Variants in SERAC1 observed in about 807,000 individuals in gnomAD.
SERAC1 encodes protein SERAC1.
A neutral mutation model predicts 85.7 loss-of-function variants in SERAC1; 36 were observed. The ratio of observed to expected loss-of-function variants is 0.42; its 90% CI spans 0.32 to 0.55. SERAC1 has a LOEUF of 0.55. Among genes scored for constraint, SERAC1 ranks in the 20% least tolerant of loss-of-function variants. The probability of loss-of-function intolerance (pLI) is 0.11; values close to 1 mark genes in which losing one functional copy is unlikely to be tolerated. For missense variants in SERAC1, 629 were observed against 796.2 expected, an observed-to-expected ratio of 0.79 and a Z score of 2.53; for synonymous variants, 242 against 265.3, an observed-to-expected ratio of 0.91 and a Z score of 0.85.
At chr6:158,156,880 A>C (rs1223053206) in intron 2 of SERAC1, among the ~76,000 whole-genome samples, 1 of 129,030 alleles carries the variant, frequency 7.8e-6, no homozygotes, top group African/African-American at 2.9e-5. Context: ...ATTTATATAG[A>C]TATTAATATA....
intron 6 of SERAC1, among the ~76,000 whole-genome samples, chr6:158,145,686 A>G (rs1785039325): frequency 6.6e-6 from 1 of 150,968 alleles, no homozygotes; most frequent in Admixed American, 6.6e-5. Context: ...GCCCAGCTAA[A>G]TTTTTTCTAT....
At chr6:158,116,764 T>C (rs1784300442) in intron 13 of SERAC1, 1 of 154,832 alleles carries the variant, frequency 6.5e-6, no homozygotes, top group South Asian at 2.0e-4. Context: ...ACAATGAAAG[T>C]ATCACCAAAG....
At chr6:158,129,240 A>C (rs775602782) in intron 9 of SERAC1, among the ~76,000 whole-genome samples, 3 of 152,228 alleles carry the variant, frequency 2.0e-5, no homozygotes, top group Non-Finnish European at 4.4e-5. Context: ...CTTCTGTACT[A>C]CAACACCTTA....
Position 158,118,414 on chromosome 6 carries a change from T to C in SERAC1, c.1309-593A>G, listed in dbSNP as rs141189219. ...AGATAAATTCCATTCAATGAATTCA[T>C]TCCAGAATTAAGGTTCTTTGGGAGA... On this transcript the variant is annotated intron_variant, in intron 12 of 16. Coordinates refer to ENST00000647468, the MANE Select transcript of SERAC1 (RefSeq NM_032861.4). 1.3e-3 allele frequency among the ~76,000 whole-genome samples: 204 copies of C among 152,294 alleles called. 1 individual carries two copies. The highest frequency in any genetic ancestry group is 4.7e-3 in the African/African-American group (195 of 41,574).
intron 2 of SERAC1, among the ~76,000 whole-genome samples, chr6:158,156,312 C>T (rs1204476513): frequency 1.3e-5 from 2 of 152,082 alleles, no homozygotes; most frequent in African/African-American, 4.8e-5. Context: ...AATACACAAC[C>T]TGATTACCAC....
rs1784115931 is a variant in SERAC1 at position 158,110,361 on chromosome 6, G to A, written c.*1005C>T. On this transcript the variant is annotated 3_prime_UTR_variant, in exon 17 of 17. Coordinates refer to ENST00000647468, the MANE Select transcript of SERAC1 (RefSeq NM_032861.4). ...TGATCATGCCACTGCACTCCAGCTT[G>A]GGCAACAGAGTCAGACCCTGTCTCT... is the stretch of plus-strand genomic sequence containing the variant. 1 of 152,016 alleles carries A rather than the reference G, an allele frequency of 6.6e-6. No individual in the cohort carries two copies. Among genetic ancestry groups the A allele is most frequent in the African/African-American group, 2.4e-5 (1 of 41,362 alleles). The allele number at this position is 152,016 out of a possible 1,614,324, so 9.4% of individuals were successfully genotyped here. A position where few individuals can be genotyped will look rare whatever the true frequency, so the allele number is the denominator to read the frequency against.
chr6:158,121,509 C>A (rs1293903901), intron 10 of SERAC1, among the ~76,000 whole-genome samples: 1 of 152,096 alleles, frequency 6.6e-6, no homozygotes, highest in East Asian at 1.9e-4. Flanking sequence ...ATGTGAAAAC[C>A]GTGGGCCCAG....
intron 10 of SERAC1, among the ~76,000 whole-genome samples, chr6:158,125,325 A>T (rs1027034756): frequency 6.6e-6 from 1 of 152,198 alleles, no homozygotes; most frequent in Non-Finnish European, 1.5e-5. Flanking sequence ...AAATTCAAAA[A>T]TTTTTAAATA....
intron 15 of SERAC1, chr6:158,114,461 G>C (rs1261082194): frequency 1.8e-6 from 2 of 1,095,294 alleles, no homozygotes; most frequent in Admixed American, 9.4e-5. Context: ...AACAGTTGAT[G>C]ATTCTCCACT....
At chr6:158,136,438 C>T (rs1008026697) in intron 8 of SERAC1, among the ~76,000 whole-genome samples, 2 of 152,166 alleles carry the variant, frequency 1.3e-5, no homozygotes, top group African/African-American at 2.4e-5. Flanking sequence ...CAAGCATTAT[C>T]GTGTTGGCTG....
chr6:158,147,632 T>G (rs1307770591), intron 5 of SERAC1, among the ~76,000 whole-genome samples: 1 of 147,122 alleles, frequency 6.8e-6, no homozygotes, highest in Non-Finnish European at 1.5e-5. Flanking sequence ...TAGCTGGGTG[T>G]GGTGGCGGGC....
chr6:158,116,240 G>T lies in SERAC1; in HGVS notation c.1446C>A (p.Leu482=), dbSNP rs748897646. 1 of 1,614,110 alleles carries T rather than the reference G, an allele frequency of 6.2e-7. No homozygotes were observed. Among genetic ancestry groups the T allele is most frequent in the East Asian group, 2.2e-5 (1 of 44,886 alleles). Residue 482 remains leucine (L), a synonymous_variant, in exon 14 of 17, where the codon CTC becomes CTA. Coordinates refer to ENST00000647468, the MANE Select transcript of SERAC1 (RefSeq NM_032861.4). The part of the protein sequence containing the change: ...AFRSNELLRK[L]RAAGVGDRPV... ...GCCTATCCCCAACACCAGCAGCTCT[G>T]AGCTTCCTAAGAAGTTCGTTGCTTC... is the stretch of plus-strand genomic sequence containing the variant.
chr6:158,128,331 CA>C, intron 9 of SERAC1, 61 bp from the exon 10 acceptor site: 1 of 1,556,042 alleles, frequency 6.4e-7, no homozygotes, highest in Non-Finnish European at 8.8e-7. Flanking sequence ...CGTGAGATGA[CA>C]CAGCCTGGTC....
intron 2 of SERAC1, among the ~76,000 whole-genome samples, chr6:158,157,725 T>C (rs1342719207): frequency 2.6e-5 from 4 of 152,246 alleles, no homozygotes; most frequent in Non-Finnish European, 5.9e-5. Flanking sequence ...AACTAGGTTA[T>C]AGTGGTAAAC....
At position 158,148,615 on chromosome 6, in the gene SERAC1, G is replaced by GT. The variant is rs578119425; in HGVS notation, c.355+249dup. 3.4e-4 allele frequency among the ~76,000 whole-genome samples: 51 copies of GT among 151,980 alleles called. 1 individual carries two copies. The South Asian group carries it at 9.8e-3, about 29-fold the overall frequency. On this transcript the variant is annotated intron_variant, in intron 5 of 16. Coordinates refer to ENST00000647468, the MANE Select transcript of SERAC1 (RefSeq NM_032861.4). Reference sequence around the variant, plus strand: ...CCACCACCACACCTGGCTAATTTTTGTATTTTTAGTAGAGACAGGGTTTCA... The same window carrying GT: ...CCACCACCACACCTGGCTAATTTTTGTTATTTTTAGTAGAGACAGGGTTTCA...
At chr6:158,159,473 T>C (rs1000384742) in intron 1 of SERAC1, among the ~76,000 whole-genome samples, 11 of 147,898 alleles carry the variant, frequency 7.4e-5, no homozygotes, top group African/African-American at 2.8e-4. Context: ...TACTCCAGCC[T>C]GTCGTCTCCA....
intron 9 of SERAC1, among the ~76,000 whole-genome samples, chr6:158,129,137 A>G (rs1377112789): frequency 2.0e-5 from 3 of 152,234 alleles, no homozygotes; most frequent in African/African-American, 7.2e-5. Flanking sequence ...TAACTATTAT[A>G]TTCCATGCAC....
chr6:158,166,612 A>T (rs1476675440), intron 1 of SERAC1, among the ~76,000 whole-genome samples: 1 of 152,188 alleles, frequency 6.6e-6, no homozygotes, highest in Non-Finnish European at 1.5e-5. Flanking sequence ...GAGTCTTTCC[A>T]TCTATTAATA....
rs1262123961 is a variant in SERAC1, at chr6:158,120,568, A to C, written c.1023T>G (p.Val341=). Residue 341 remains valine, a synonymous_variant, in exon 11 of 17, where the codon GTT becomes GTG. Coordinates refer to ENST00000647468, the MANE Select transcript of SERAC1 (RefSeq NM_032861.4). This position sits in a 1 kb window ranked among gnomAD's most constrained non-coding sequence, Gnocchi z 4.4. ...LHSSIVRSGW[V]SIMAEAMKSP... ...ATTTCATTGCTTCTGCCATGATGGA[A>C]ACCCAGCCTGGTGAAAAGTACACAT... is the stretch of plus-strand genomic sequence containing the variant. 2 of 1,613,688 alleles carry C rather than the reference A, an allele frequency of 1.2e-6. No individual in the cohort carries two copies. The highest frequency in any genetic ancestry group is 1.7e-6 in the Non-Finnish European group (2 of 1,179,886).
Sources: allele counts gnomAD v4.1 joint callset (sites outside exome capture counted in the v4.1 genomes callset), GRCh38; gene constraint gnomAD v4.1.1; non-coding constraint Gnocchi (gnomAD v3.1); transcripts MANE v1.5; gene names NCBI Gene and HGNC (gene_info 2026-07-23, HGNC 2026-07-21).